SLC22A24: variants seen among roughly 807,000 people sequenced by gnomAD.
SLC22A24 encodes solute carrier family 22 member 24.
A neutral mutation model predicts 49.8 loss-of-function variants in SLC22A24; 53 were observed. That is an observed-to-expected ratio of 1.06 (90% CI 0.85 to 1.34). The LOEUF is 1.34. SLC22A24 is among the 40% of genes most tolerant of loss of function. The pLI is 0.00. For synonymous variants in SLC22A24, 302 were observed against 256.4 expected (o/e 1.18, Z -1.70); for missense variants, 786 against 675.9 (o/e 1.16, Z -1.81).
intron 1 of SLC22A24, among the ~76,000 whole-genome samples, chr11:63,138,154 A>G (rs1294350351): frequency 1.3e-5 from 2 of 152,244 alleles, no homozygotes; most frequent in East Asian, 1.9e-4. Flanking sequence ...TCAGTTACAA[A>G]CTTTGCTATG....
At position 63,091,122 on chromosome 11, in the gene SLC22A24, A is replaced by C. The variant is rs1306148103; in HGVS notation, c.1070+4869T>G. Reference sequence around the variant, plus strand: ...CAAACTACCATCAAAGAATACTATAAACACCTCTACGCAAATAAACTAGAA... The same window carrying C: ...CAAACTACCATCAAAGAATACTATACACACCTCTACGCAAATAAACTAGAA... On this transcript the variant is annotated intron_variant, in intron 6 of 9. Coordinates refer to ENST00000612278, the MANE Select transcript of SLC22A24 (RefSeq NM_001136506.2). 2.0e-5 allele frequency among the ~76,000 whole-genome samples: 3 copies of C among 152,214 alleles called. No individual in the cohort carries two copies. In the East Asian group the frequency reaches 5.8e-4, roughly 29 times the overall value.
At chr11:63,132,959 G>C (rs1476253950) in intron 2 of SLC22A24, among the ~76,000 whole-genome samples, 1 of 152,184 alleles carries the variant, frequency 6.6e-6, no homozygotes, top group Non-Finnish European at 1.5e-5. Flanking sequence ...GGTGGGCTCT[G>C]CCCAGTTCGA....
chr11:63,104,205 T>C lies in SLC22A24; in HGVS notation c.924A>G (p.Lys308=). The C allele has an allele frequency of 6.4e-7, 1 of 1,550,650 alleles. No individual in the cohort carries two copies. The stretch of plus-strand genomic sequence containing the variant: ...TGGTCAGTGTCTCTTCAGTATTCTT[T>C]TTTCCATTTATGTGTGCAACTCTTC... ...ELRRVAHING[K]KNTEETLTTE... The change falls in exon 5 of 10, where the codon AAA becomes AAG. Residue 308 remains lysine, a synonymous_variant. Coordinates refer to ENST00000612278, the MANE Select transcript of SLC22A24 (RefSeq NM_001136506.2).
chr11:63,141,955 G>A (rs115926114), intron 1 of SLC22A24, among the ~76,000 whole-genome samples: 69 of 150,970 alleles, frequency 4.6e-4, no homozygotes, highest in African/African-American at 1.5e-3. Flanking sequence ...TGTTCTTGAT[G>A]TTTTTTTTTC....
intron 1 of SLC22A24, among the ~76,000 whole-genome samples, chr11:63,135,616 T>C (rs576598043): frequency 9.1e-4 from 138 of 152,382 alleles, no homozygotes; most frequent in African/African-American, 3.3e-3. Flanking sequence ...ATGTTATCAG[T>C]CATTGCAATG....
intron 4 of SLC22A24, among the ~76,000 whole-genome samples, chr11:63,112,293 G>T (rs1385087954): frequency 6.6e-6 from 1 of 152,190 alleles, no homozygotes; most frequent in Non-Finnish European, 1.5e-5. Flanking sequence ...TTTGGAATAA[G>T]TGTGGTGTAG....
intron 6 of SLC22A24, among the ~76,000 whole-genome samples, chr11:63,089,973 C>T (rs567827192): frequency 7.6e-5 from 11 of 145,526 alleles, no homozygotes; most frequent in Middle Eastern, 3.7e-3. Context: ...CCCAGCTACT[C>T]GGGAGGCTGA....
intron 2 of SLC22A24, among the ~76,000 whole-genome samples, chr11:63,129,831 T>A (rs2087320855): frequency 6.6e-6 from 1 of 152,248 alleles, no homozygotes; most frequent in South Asian, 2.1e-4. Flanking sequence ...TAATTTTTTA[T>A]CCTGAGACTT....
At chr11:63,085,843 GC>G (rs1397921892) in intron 6 of SLC22A24, among the ~76,000 whole-genome samples, 1 of 152,080 alleles carries the variant, frequency 6.6e-6, no homozygotes, top group Non-Finnish European at 1.5e-5. Flanking sequence ...TATTCTCCCT[GC>G]AAACATATAT....
At chr11:63,091,151 C>G (rs555508841) in intron 6 of SLC22A24, among the ~76,000 whole-genome samples, 28 of 152,270 alleles carry the variant, frequency 1.8e-4, no homozygotes, top group African/African-American at 6.7e-4. Context: ...ACTAGAAAAT[C>G]TAGAAGAAAT....
intron 4 of SLC22A24, among the ~76,000 whole-genome samples, chr11:63,115,194 C>T (rs942020009): frequency 1.3e-5 from 2 of 152,224 alleles, no homozygotes; most frequent in African/African-American, 2.4e-5. Flanking sequence ...AGGCAGTAGG[C>T]CTGGCTGAGC....
rs547547990 is a variant in SLC22A24 at position 63,081,175 on chromosome 11, A to T, written c.1395-52T>A. 5 of 1,434,888 alleles carry T rather than the reference A, an allele frequency of 3.5e-6. No individual in the cohort carries two copies. The Admixed American group carries it at 1.0e-4, about 29-fold the overall frequency. The allele number at this position is 1,434,888 out of a possible 1,614,324, so 88.9% of individuals were successfully genotyped here. ...AATCTTGTATGAATCTGTACATGTCAGCTCTTTATCATCATTATTTCTTTA... is the reference window on the plus strand; with the variant it reads ...AATCTTGTATGAATCTGTACATGTCTGCTCTTTATCATCATTATTTCTTTA... On this transcript the variant is annotated intron_variant, in intron 8 of 9. Transcript: ENST00000612278.
At chr11:63,142,983 CTT>C (rs1294632837) in intron 1 of SLC22A24, among the ~76,000 whole-genome samples, 1 of 152,136 alleles carries the variant, frequency 6.6e-6, no homozygotes, top group East Asian at 1.9e-4. Flanking sequence ...AGGAGAAACA[CTT>C]TCACAACCAG....
chr11:63,100,938 T>C (rs1488802018), intron 5 of SLC22A24, among the ~76,000 whole-genome samples: 1 of 151,990 alleles, frequency 6.6e-6, no homozygotes, highest in African/African-American at 2.4e-5. Flanking sequence ...AAACTATACA[T>C]CTACTATAAC....
At chr11:63,111,587 T>C (rs1324972833) in intron 4 of SLC22A24, among the ~76,000 whole-genome samples, 1 of 151,952 alleles carries the variant, frequency 6.6e-6, no homozygotes, top group Non-Finnish European at 1.5e-5. Flanking sequence ...GGAGAGTGTA[T>C]GTGTCGAGGA....
In SLC22A24 at chr11:63,079,958, C is replaced by T; in HGVS notation, c.1641G>A (p.Met547Ile). Residue 547 changes from methionine (M) to isoleucine (I), a missense_variant, in exon 10 of 10, where the codon ATG (methionine) becomes ATA (isoleucine). Physicochemically the swap from Met to Ile is conservative, Grantham distance 10. Transcript: ENST00000612278. ...SRNIKQEDTC[M>I]KVTQF is the part of the protein sequence containing the mutation. ...GAATCTCTTAAAACTGTGTTACTTT[C>T]ATGCAAGTATCTTCCTGCTTTATGT... is the stretch of plus-strand genomic sequence containing the variant. 1.3e-6 allele frequency: 2 copies of T among 1,545,816 alleles called. No homozygotes were observed. Among genetic ancestry groups the T allele is most frequent in the Middle Eastern group, 1.7e-4 (1 of 5,988 alleles).
At chr11:63,080,023 A>T in intron 9 of SLC22A24, 23 bp from the exon 10 acceptor site, 1 of 1,451,166 alleles carries the variant, frequency 6.9e-7, no homozygotes, top group Non-Finnish European at 9.5e-7. Context: ...AATGCAAACA[A>T]AAACAAGATT....
At chr11:63,103,997 T>G in intron 5 of SLC22A24, 178 bp downstream of exon 5, 1 of 563,236 alleles carries the variant, frequency 1.8e-6, no homozygotes, top group Non-Finnish European at 2.9e-6. Flanking sequence ...TCCCAGTATA[T>G]TTCAATATCT....
chr11:63,134,362 C>G (rs867635142), intron 2 of SLC22A24, among the ~76,000 whole-genome samples: 1 of 152,160 alleles, frequency 6.6e-6, no homozygotes, highest in Non-Finnish European at 1.5e-5. Flanking sequence ...CTAACTCCTA[C>G]AAGTAAACCT....
Sources: allele counts gnomAD v4.1 joint callset (sites outside exome capture counted in the v4.1 genomes callset), GRCh38; gene constraint gnomAD v4.1.1; transcripts MANE v1.5; gene names NCBI Gene and HGNC (gene_info 2026-07-23, HGNC 2026-07-21).